The following SND1 variants were observed in gnomAD, a reference collection of about 807,000 sequenced individuals.
SND1 encodes the protein staphylococcal nuclease domain-containing protein 1.
A neutral mutation model predicts 121.7 loss-of-function variants in SND1; 38 were observed. The observed-to-expected ratio is 0.31, with a 90% CI of 0.24 to 0.41. SND1 has a LOEUF of 0.41. SND1 is among the 10% of genes least tolerant of loss of function. SND1 has a pLI of 1.00. For synonymous variants in SND1, 401 were observed against 447.4 expected (o/e 0.90, Z 1.31); for missense variants, 868 against 1,184.6 (o/e 0.73, Z 3.92).
At chr7:127,686,555 T>C in intron 1 of SND1, 58 bp from the exon 2 acceptor site, 1 of 1,557,612 alleles carries the variant, frequency 6.4e-7, no homozygotes, top group Non-Finnish European at 8.8e-7. Context: ...GTACACAACC[T>C]GCATTATGGT....
chr7:127,663,482 C>G (rs1795355969), intron 1 of SND1, among the ~76,000 whole-genome samples: 1 of 152,044 alleles, frequency 6.6e-6, no homozygotes, highest in South Asian at 2.1e-4. Context: ...AGTGACTCCC[C>G]TGCCTCAGCC....
At chr7:127,779,194 A>G (rs1247498123) in intron 10 of SND1, among the ~76,000 whole-genome samples, 1 of 151,118 alleles carries the variant, frequency 6.6e-6, no homozygotes, top group Non-Finnish European at 1.5e-5. Flanking sequence ...TGGTAGTGAC[A>G]TATTACACTA....
At chr7:127,729,189 C>G (rs1796631398) in intron 10 of SND1, among the ~76,000 whole-genome samples, 2 of 152,144 alleles carry the variant, frequency 1.3e-5, no homozygotes, top group Non-Finnish European at 2.9e-5. Flanking sequence ...CACCTCTACT[C>G]TGATTCAGGC....
intron 15 of SND1, among the ~76,000 whole-genome samples, chr7:127,958,900 G>A (rs1383279132): frequency 6.6e-6 from 1 of 152,194 alleles, no homozygotes; most frequent in East Asian, 1.9e-4. Flanking sequence ...TGAGATGAGA[G>A]TTGAGGGTAC....
At chr7:127,965,344 G>A (rs909449462) in intron 15 of SND1, among the ~76,000 whole-genome samples, 1 of 28,926 alleles carries the variant, frequency 3.5e-5, no homozygotes, top group Non-Finnish European at 5.8e-5. Flanking sequence ...AGTTTTCAAA[G>A]GGAATGCTTC....
intron 16 of SND1, among the ~76,000 whole-genome samples, chr7:128,025,098 G>C (rs369293092): frequency 6.6e-5 from 10 of 152,204 alleles, no homozygotes; most frequent in African/African-American, 2.4e-4. Flanking sequence ...AAATGGTTAT[G>C]TAGAGTCCTG....
At chr7:127,730,759 C>T (rs1796660558) in intron 10 of SND1, among the ~76,000 whole-genome samples, 1 of 152,180 alleles carries the variant, frequency 6.6e-6, no homozygotes, top group Non-Finnish European at 1.5e-5. Context: ...ATAGTTGATA[C>T]TCAGGTGTTA....
chr7:127,963,286 G>C (rs144033659), intron 15 of SND1, among the ~76,000 whole-genome samples: 2 of 150,126 alleles, frequency 1.3e-5, no homozygotes, highest in Non-Finnish European at 3.0e-5. Flanking sequence ...TAAGTTTTAG[G>C]GTACATGTGC....
Position 127,939,476 on chromosome 7 carries a change from A to T in SND1, c.1669+10147A>T, listed in dbSNP as rs142897110. 6.3e-3 allele frequency among the ~76,000 whole-genome samples: 967 copies of T among 152,338 alleles called. 7 individuals are homozygous for T. Among genetic ancestry groups the T allele is most frequent in the Middle Eastern group, 0.02 (6 of 294 alleles). On this transcript the variant is annotated intron_variant, in intron 15 of 23. Transcript: ENST00000354725. ...TGTTTGGCCTGGTTTAATGGCAGTC[A>T]CAGACCTTGGAGCTAAAACACTTAA...
chr7:127,805,066 CT>C (rs1346477001), intron 10 of SND1, among the ~76,000 whole-genome samples: 1 of 152,274 alleles, frequency 6.6e-6, no homozygotes, highest in East Asian at 1.9e-4. Flanking sequence ...ACCAACTCTG[CT>C]TTACAGCTTA....
intron 10 of SND1, among the ~76,000 whole-genome samples, chr7:127,726,849 G>A (rs1255070048): frequency 6.6e-6 from 1 of 152,100 alleles, no homozygotes; most frequent in Non-Finnish European, 1.5e-5. Flanking sequence ...TTTGCTTTAG[G>A]TTGCTGGGCC....
intron 18 of SND1, among the ~76,000 whole-genome samples, chr7:128,082,318 G>C (rs970161571): frequency 1.3e-5 from 2 of 152,252 alleles, no homozygotes; most frequent in African/African-American, 4.8e-5. Flanking sequence ...GGCACAGGTG[G>C]ACAGAGGGGG....
At chr7:127,711,840 G>T (rs759520408) in intron 9 of SND1, among the ~76,000 whole-genome samples, 1 of 151,426 alleles carries the variant, frequency 6.6e-6, no homozygotes, top group Non-Finnish European at 1.5e-5. Context: ...TATTTTTTAA[G>T]AACTTTTTTT....
At chr7:127,706,189 T>TA (rs1554414028) in intron 8 of SND1, among the ~76,000 whole-genome samples, 1 of 152,108 alleles carries the variant, frequency 6.6e-6, no homozygotes, top group African/African-American at 2.4e-5. Flanking sequence ...AGAATCCTGT[T>TA]ATGTTCATTA....
chr7:127,694,323 G>T (rs1482422048), intron 2 of SND1, among the ~76,000 whole-genome samples: 1 of 152,218 alleles, frequency 6.6e-6, no homozygotes, highest in Non-Finnish European at 1.5e-5. Context: ...AGTTTAATAG[G>T]CAGTGAAACT....
At chr7:127,823,113 G>A (rs1482051043) in intron 11 of SND1, among the ~76,000 whole-genome samples, 4 of 152,206 alleles carry the variant, frequency 2.6e-5, no homozygotes, top group Non-Finnish European at 4.4e-5. Context: ...TGATAAGGCT[G>A]AGTGAGAGAC....
chr7:127,675,670 A>G (rs1482875049), intron 1 of SND1, among the ~76,000 whole-genome samples: 6 of 152,164 alleles, frequency 3.9e-5, no homozygotes, highest in Non-Finnish European at 2.9e-5. Context: ...ATAGAGGAGA[A>G]GGTCCCCTCT....
intron 16 of SND1, chr7:128,032,199 G>A (rs1792639082): frequency 6.6e-6 from 1 of 151,670 alleles, no homozygotes; most frequent in Admixed American, 6.6e-5. Flanking sequence ...TGCCTCGCGG[G>A]GTTAACGCCG....
intron 9 of SND1, among the ~76,000 whole-genome samples, chr7:127,711,936 C>T (rs963844678): frequency 2.0e-5 from 3 of 151,318 alleles, no homozygotes; most frequent in Non-Finnish European, 2.9e-5. Context: ...TAGCTTTCTG[C>T]GAAATTGATT....
Sources: allele counts gnomAD v4.1 joint callset (sites outside exome capture counted in the v4.1 genomes callset), GRCh38; gene constraint gnomAD v4.1.1; transcripts MANE v1.5; gene names NCBI Gene and HGNC (gene_info 2026-07-23, HGNC 2026-07-21).